Variants in MIPOL1 observed in about 807,000 individuals in gnomAD.
MIPOL1 encodes the protein mirror-image polydactyly gene 1 protein.
MIPOL1 carries 57 observed loss-of-function variants against 60.9 expected under a neutral mutation model. That is an observed-to-expected ratio of 0.94 (90% CI 0.76 to 1.17). MIPOL1 has a LOEUF of 1.17. Ranked by LOEUF, MIPOL1 falls within the 50% of genes most tolerant of loss-of-function variation. The pLI, the probability that MIPOL1 is intolerant of heterozygous loss-of-function variation, is 0.00. For synonymous variants in MIPOL1, 179 were observed against 168.8 expected (o/e 1.06, Z -0.47); for missense variants, 551 against 511.6 (o/e 1.08, Z -0.74).
intron 9 of MIPOL1, among the ~76,000 whole-genome samples, chr14:37,358,205 T>C (rs1255930628): frequency 6.6e-6 from 1 of 152,220 alleles, no homozygotes; most frequent in Non-Finnish European, 1.5e-5. Context: ...TTCCATGGTG[T>C]ATATGTGCCA....
intron 9 of MIPOL1, among the ~76,000 whole-genome samples, chr14:37,340,684 A>G (rs1287799335): frequency 1.3e-5 from 2 of 150,226 alleles, no homozygotes; most frequent in African/African-American, 4.9e-5. Context: ...GGTGACAGAG[A>G]CCCTGTCTCA....
At chr14:37,505,293 C>A (rs891040146) in intron 12 of MIPOL1, 34 of 152,190 alleles carry the variant, frequency 2.2e-4, no homozygotes, top group African/African-American at 8.2e-4. Flanking sequence ...GTCAGAGACA[C>A]AACAACAAAA....
chr14:37,423,831 A>T (rs1285818477), intron 11 of MIPOL1: 1 of 152,168 alleles, frequency 6.6e-6, no homozygotes, highest in African/African-American at 2.4e-5. Context: ...TTATGTCATG[A>T]TATATCATGA....
At chr14:37,465,965 G>GT (rs1410681590) in intron 11 of MIPOL1, among the ~76,000 whole-genome samples, 13 of 152,174 alleles carry the variant, frequency 8.5e-5, no homozygotes, top group Admixed American at 4.6e-4. Context: ...AAAACTGCTA[G>GT]TTTTTTTGCT....
intron 10 of MIPOL1, among the ~76,000 whole-genome samples, chr14:37,399,498 G>A (rs1410810073): frequency 6.6e-6 from 1 of 152,102 alleles, no homozygotes; most frequent in East Asian, 1.9e-4. Context: ...TGGCATTGGA[G>A]TTATCATCAT....
intron 10 of MIPOL1, among the ~76,000 whole-genome samples, chr14:37,414,752 C>T (rs2093735247): frequency 6.6e-6 from 1 of 152,054 alleles, no homozygotes; most frequent in Admixed American, 6.6e-5. Context: ...TAAATTTAGG[C>T]AGAAACCGAA....
At chr14:37,353,087 C>T (rs1193429630) in intron 9 of MIPOL1, among the ~76,000 whole-genome samples, 1 of 131,882 alleles carries the variant, frequency 7.6e-6, no homozygotes, top group Admixed American at 8.0e-5. Context: ...CCCATCAATA[C>T]CTAATTTATT....
intron 1 of MIPOL1, among the ~76,000 whole-genome samples, chr14:37,203,752 T>A (rs759970070): frequency 6.6e-6 from 1 of 152,190 alleles, no homozygotes; most frequent in Non-Finnish European, 1.5e-5. Context: ...AGTAAGGAAC[T>A]GAGGTTCTCA....
intron 11 of MIPOL1, among the ~76,000 whole-genome samples, chr14:37,425,161 C>T (rs2093939557): frequency 1.3e-5 from 2 of 152,056 alleles, no homozygotes; most frequent in Non-Finnish European, 2.9e-5. Flanking sequence ...GAACATTCTC[C>T]AGTAACATTT....
chr14:37,439,426 G>GT (rs2094208900), intron 11 of MIPOL1, among the ~76,000 whole-genome samples: 1 of 152,082 alleles, frequency 6.6e-6, no homozygotes, highest in African/African-American at 2.4e-5. Context: ...CATGTATTTA[G>GT]TTTTTATTCT....
intron 9 of MIPOL1, among the ~76,000 whole-genome samples, chr14:37,317,818 G>A (rs905513841): frequency 2.6e-5 from 4 of 152,016 alleles, no homozygotes; most frequent in African/African-American, 9.7e-5. Flanking sequence ...TGGTTGTATA[G>A]GAAAAAATCC....
intron 11 of MIPOL1, among the ~76,000 whole-genome samples, chr14:37,437,377 C>A (rs2094177856): frequency 6.7e-6 from 1 of 150,036 alleles, no homozygotes; most frequent in South Asian, 2.1e-4. Context: ...GTTGTCCTAT[C>A]AAGCTTGGTT....
chr14:37,441,062 GA>G (rs544568473), intron 11 of MIPOL1, among the ~76,000 whole-genome samples: 1 of 151,990 alleles, frequency 6.6e-6, no homozygotes, highest in African/African-American at 2.4e-5. Context: ...TGTGTCTTTT[GA>G]AAAAATGTCT....
intron 11 of MIPOL1, among the ~76,000 whole-genome samples, chr14:37,429,403 A>G (rs900624303): frequency 6.6e-6 from 1 of 152,096 alleles, no homozygotes; most frequent in Admixed American, 6.6e-5. Context: ...TTAAATTTTT[A>G]TTATATTTTG....
intron 3 of MIPOL1, among the ~76,000 whole-genome samples, chr14:37,261,344 A>G (rs1264586182): frequency 1.3e-5 from 2 of 152,010 alleles, no homozygotes; most frequent in Non-Finnish European, 2.9e-5. Flanking sequence ...TTTTTTCCCC[A>G]TAGTTGCTAA....
intron 12 of MIPOL1, among the ~76,000 whole-genome samples, chr14:37,508,142 T>C (rs1425850982): frequency 6.6e-6 from 1 of 152,180 alleles, no homozygotes; most frequent in Non-Finnish European, 1.5e-5. Context: ...TCCTTAAAAA[T>C]CTGAAATCAT....
intron 10 of MIPOL1, among the ~76,000 whole-genome samples, chr14:37,373,160 C>T (rs527521864): frequency 5.3e-5 from 8 of 152,060 alleles, no homozygotes; most frequent in South Asian, 2.1e-4. Flanking sequence ...TGCACCACCA[C>T]GCTGGCTAAT....
chr14:37,463,416 G>C (rs535890412), intron 11 of MIPOL1, among the ~76,000 whole-genome samples: 1 of 152,238 alleles, frequency 6.6e-6, no homozygotes, highest in South Asian at 2.1e-4. Flanking sequence ...TAGACATATA[G>C]ATCAATGGAA....
intron 11 of MIPOL1, among the ~76,000 whole-genome samples, chr14:37,470,082 G>C (rs2094660758): frequency 6.6e-6 from 1 of 152,132 alleles, no homozygotes; most frequent in East Asian, 1.9e-4. Flanking sequence ...CTGAGTAGAT[G>C]GTGATGCCTA....
Sources: allele counts gnomAD v4.1 joint callset (sites outside exome capture counted in the v4.1 genomes callset), GRCh38; gene constraint gnomAD v4.1.1; transcripts MANE v1.5; gene names NCBI Gene and HGNC (gene_info 2026-07-23, HGNC 2026-07-21).